The following UTP14A variants were observed in gnomAD, a reference collection of about 807,000 sequenced individuals.
UTP14A encodes the protein UTP14A small subunit processome component, also known as U3 small nucleolar RNA-associated protein 14 homolog A.
Under a neutral mutation model 57.2 loss-of-function variants are expected in UTP14A, and 5 were observed. The observed-to-expected ratio is 0.09, with a 90% CI of 0.05 to 0.18. The LOEUF is 0.18. Among genes scored for constraint, UTP14A ranks in the 10% least tolerant of loss-of-function variants. UTP14A has a pLI of 1.00. For synonymous variants in UTP14A, 169 were observed against 210.9 expected (o/e 0.80, Z 1.72); for missense variants, 430 against 562.1 (o/e 0.76, Z 2.38).
rs1434985948 is a variant in UTP14A at position 129,924,946 on chromosome X, G to A, written c.1500G>A (p.Leu500=). The stretch of plus-strand genomic sequence containing the variant: ...CTGCCCCAGAAGAAGAGGAGCCCCT[G>A]TTGCTACAGAGACCAGAGAGAGTAC... The part of the protein sequence containing the change: ...EEPAPEEEEP[L]LLQRPERVQT... The change falls in exon 12 of 15, where the codon CTG becomes CTA. Residue 500 remains leucine (L), a synonymous_variant. Transcript: ENST00000394422. 3 of 1,209,406 alleles carry A rather than the reference G, an allele frequency of 2.5e-6. No individual in the cohort carries two copies. The highest frequency in any genetic ancestry group is 3.4e-6 in the Non-Finnish European group (3 of 895,195).
In UTP14A at chrX:129,925,139, C is replaced by A; in HGVS notation, c.1693C>A (p.Leu565Ile). 8.3e-7 allele frequency: 1 copy of A among 1,211,767 alleles called. No homozygotes were observed. The highest frequency in any genetic ancestry group is 1.1e-6 in the Non-Finnish European group (1 of 895,524). Residue 565 changes from leucine to isoleucine, a missense_variant, in exon 12 of 15, where the codon CTA becomes ATA. Leu to Ile is a conservative substitution (Grantham distance 5). Around this residue, in one of 4 missense-constraint regions of UTP14A, gnomAD observed 120 missense variants for 116.8 expected, o/e 1.03. Coordinates refer to ENST00000394422, the MANE Select transcript of UTP14A (RefSeq NM_006649.4). Reference sequence around the variant, plus strand: ...GCAAATGATCGACCTACAGAACCTCCTAACCACACAATCTCCCTCCGTGAA... The same window carrying A: ...GCAAATGATCGACCTACAGAACCTCATAACCACACAATCTCCCTCCGTGAA... Reference protein sequence around the residue: ...KEQMIDLQNLLTTQSPSVKSL... With the variant: ...KEQMIDLQNLITTQSPSVKSL...
chrX:129,906,352 G>A, intron 1 of UTP14A, 116 bp downstream of exon 1: 7 of 719,275 alleles, frequency 9.7e-6, no homozygotes, highest in Non-Finnish European at 1.5e-5. Flanking sequence ...CTGAAGAGCT[G>A]GCCATTCGTT....
chrX:129,912,681 T>G (rs1207776388), intron 6 of UTP14A, among the ~76,000 whole-genome samples: 1 of 110,870 alleles, frequency 9.0e-6, no homozygotes, highest in Non-Finnish European at 1.9e-5. Context: ...AAATATAATG[T>G]GTTGCTGGCA....
intron 4 of UTP14A, among the ~76,000 whole-genome samples, chrX:129,909,529 T>C (rs967366600): frequency 2.7e-5 from 3 of 111,164 alleles, no homozygotes; most frequent in African/African-American, 6.5e-5. Context: ...TTTTTCCTCA[T>C]TGTATCCCTC....
intron 14 of UTP14A, 103 bp downstream of exon 14, chrX:129,926,442 T>C: frequency 1.4e-6 from 1 of 694,009 alleles, no homozygotes; most frequent in African/African-American, 2.1e-5. Context: ...ACGTGTGATC[T>C]TGACCGCAGA....
chrX:129,928,837 A>T (rs189987333), intron 14 of UTP14A, among the ~76,000 whole-genome samples: 150 of 111,862 alleles, frequency 1.3e-3, no homozygotes, highest in African/African-American at 4.4e-3. Context: ...CATAAAATCC[A>T]CAGGGATACA....
intron 12 of UTP14A, among the ~76,000 whole-genome samples, chrX:129,925,399 A>G (rs1603019290): frequency 9.0e-6 from 1 of 111,719 alleles, no homozygotes; most frequent in African/African-American, 3.3e-5. Context: ...CTGATCCACA[A>G]AAACTCCTCT....
chrX:129,906,331 C>A, intron 1 of UTP14A, 95 bp downstream of exon 1: 8 of 867,675 alleles, frequency 9.2e-6, no homozygotes, highest in Non-Finnish European at 1.3e-5. Context: ...TAACAGATGG[C>A]AGTGGTTCCC....
chrX:129,909,312 C>A (rs1929372932), intron 4 of UTP14A, among the ~76,000 whole-genome samples: 1 of 108,160 alleles, frequency 9.2e-6, no homozygotes. Context: ...CAGGTTCACG[C>A]CATTCTCCTT....
intron 6 of UTP14A, 97 bp downstream of exon 6, chrX:129,912,018 A>T (rs1025635780): frequency 9.6e-7 from 1 of 1,045,982 alleles, no homozygotes; most frequent in Non-Finnish European, 1.3e-6. Flanking sequence ...GCTAAACCCC[A>T]GCATAAGTCA....
At chrX:129,909,331 T>C (rs1211228775) in intron 4 of UTP14A, among the ~76,000 whole-genome samples, 2 of 106,593 alleles carry the variant, frequency 1.9e-5, no homozygotes, top group East Asian at 3.1e-4. Flanking sequence ...TTCCTCAGCC[T>C]CCCGAGTATC....
intron 6 of UTP14A, among the ~76,000 whole-genome samples, chrX:129,912,944 G>A (rs1929537423): frequency 8.9e-6 from 1 of 111,854 alleles, no homozygotes; most frequent in Non-Finnish European, 1.9e-5. Flanking sequence ...ATGGGATTGG[G>A]GGTGAAATGG....
At chrX:129,923,426 C>T (rs1307990563) in intron 11 of UTP14A, among the ~76,000 whole-genome samples, 1 of 112,112 alleles carries the variant, frequency 8.9e-6, no homozygotes, top group Non-Finnish European at 1.9e-5. Context: ...AGGCATATGC[C>T]ACCACGCCCA....
chrX:129,919,251 C>A lies in UTP14A; in HGVS notation c.614C>A (p.Thr205Asn), dbSNP rs1480232455. 8.3e-7 allele frequency: 1 copy of A among 1,211,771 alleles called. No homozygotes were observed. The highest frequency in any genetic ancestry group is 1.1e-6 in the Non-Finnish European group (1 of 895,508). Residue 205 changes from threonine to asparagine, a missense_variant, in exon 7 of 15, where the codon ACC becomes AAC. This residue lies in a region of UTP14A where 145 missense variants were observed against 153.5 expected (regional missense o/e 0.94). Coordinates refer to ENST00000394422, the MANE Select transcript of UTP14A (RefSeq NM_006649.4). The stretch of plus-strand genomic sequence containing the variant: ...CAGCCAGTGACAGACCCTTTACTGA[C>A]CCCTGTGGAAAAGGCCTCTCTCCGA... ...NKQPVTDPLL[T>N]PVEKASLRAM...
chrX:129,929,663 T>G lies in UTP14A; in HGVS notation c.*55T>G. 1.7e-6 allele frequency: 2 copies of G among 1,176,416 alleles called. No homozygotes were observed. The highest frequency in any genetic ancestry group is 2.3e-6 in the Non-Finnish European group (2 of 872,340). On this transcript the variant is annotated 3_prime_UTR_variant, in exon 15 of 15. Coordinates refer to ENST00000394422, the MANE Select transcript of UTP14A (RefSeq NM_006649.4). Reference sequence around the variant, plus strand: ...TGACTTCACTTCCTTTGGTCCAGTTTTACTCTGATACAGGGTGGATTCCAA... The same window carrying G: ...TGACTTCACTTCCTTTGGTCCAGTTGTACTCTGATACAGGGTGGATTCCAA...
chrX:129,906,537 G>T, intron 1 of UTP14A, among the ~76,000 whole-genome samples: 1 of 110,467 alleles, frequency 9.1e-6, no homozygotes, highest in Non-Finnish European at 1.9e-5. Flanking sequence ...CCTCTGTCGC[G>T]GCCCGATTTA....
In UTP14A at chrX:129,911,146, A is replaced by T. The variant is rs920163358; in HGVS notation, c.377A>T (p.Glu126Val). The T allele has an allele frequency of 8.3e-7, 1 of 1,206,950 alleles. No homozygotes were observed. Among genetic ancestry groups the T allele is most frequent in the African/African-American group, 1.8e-5 (1 of 57,098 alleles). The change falls in exon 5 of 15, where the codon GAA becomes GTA. Residue 126 changes from glutamate (E) to valine (V), a missense_variant. Around this residue, in one of 4 missense-constraint regions of UTP14A, gnomAD observed 145 missense variants for 153.5 expected, o/e 0.94. Coordinates refer to ENST00000394422, the MANE Select transcript of UTP14A (RefSeq NM_006649.4). ...VELPLNKEEIERIHREVAFNK... is the reference protein window; with the variant it reads ...VELPLNKEEIVRIHREVAFNK... ...TTACCTCTGAACAAAGAAGAGATTGAACGGGTAAGCTACAGAGAAGGTGGT... is the reference window on the plus strand; with the variant it reads ...TTACCTCTGAACAAAGAAGAGATTGTACGGGTAAGCTACAGAGAAGGTGGT...
chrX:129,920,835 A>G (rs1929883084), intron 10 of UTP14A, 83 bp downstream of exon 10: 1 of 1,197,433 alleles, frequency 8.4e-7, no homozygotes. Flanking sequence ...ATGAGGATGG[A>G]TGGAAAACCA....
chrX:129,911,511 A>C (rs897355471), intron 5 of UTP14A, among the ~76,000 whole-genome samples: 1 of 111,076 alleles, frequency 9.0e-6, no homozygotes, highest in African/African-American at 3.3e-5. Context: ...TGGAGGTTGC[A>C]GTGAGCTGAG....
Sources: gnomAD v4.1 joint callset for allele counts (sites outside exome capture counted in the v4.1 genomes callset) on GRCh38, gnomAD v4.1.1 for gene constraint, gnomAD v4.1.1 regional missense constraint, MANE v1.5 for transcripts, NCBI Gene and HGNC (gene_info 2026-07-23, HGNC 2026-07-21) for gene names.